Variants in CDH12 observed in about 807,000 individuals in gnomAD.
CDH12 encodes the protein cadherin 12.
Under a neutral mutation model 74.1 loss-of-function variants are expected in CDH12, and 41 were observed. The ratio of observed to expected loss-of-function variants is 0.55; its 90% CI spans 0.43 to 0.72. The LOEUF (loss-of-function observed/expected upper bound fraction) is 0.72, where lower values mean the gene tolerates loss of function less well. Ranked by LOEUF, CDH12 falls within the 30% of genes least tolerant of loss-of-function variation. CDH12 has a pLI of 0.00. For missense variants in CDH12, 945 were observed against 977.2 expected (o/e 0.97, Z 0.44); for synonymous variants, 399 against 355.0 (o/e 1.12, Z -1.39).
intron 6 of CDH12, chr5:21,882,472 T>C: frequency 3.0e-6 from 2 of 670,356 alleles, no homozygotes; most frequent in Admixed American, 2.3e-5. Context: ...GTTCCATTTA[T>C]AGTACAACTG....
At chr5:22,833,325 C>A (rs1736698091) in intron 1 of CDH12, among the ~76,000 whole-genome samples, 1 of 152,106 alleles carries the variant, frequency 6.6e-6, no homozygotes, top group African/African-American at 2.4e-5. Flanking sequence ...TCTCTACAGG[C>A]CAGAACACAG....
At chr5:22,081,567 C>T (rs1187082935) in intron 4 of CDH12, among the ~76,000 whole-genome samples, 2 of 152,146 alleles carry the variant, frequency 1.3e-5, no homozygotes, top group South Asian at 4.1e-4. Context: ...TGCATTTCTG[C>T]CTTCCTGTTC....
At chr5:22,823,737 A>T (rs1021502102) in intron 1 of CDH12, among the ~76,000 whole-genome samples, 2 of 152,060 alleles carry the variant, frequency 1.3e-5, no homozygotes, top group African/African-American at 4.8e-5. Flanking sequence ...GGGAGTTCTC[A>T]GGAGATCTGA....
intron 5 of CDH12, among the ~76,000 whole-genome samples, chr5:21,981,402 T>C (rs576233671): frequency 0.018 from 2,756 of 152,176 alleles, 44 homozygotes; most frequent in African/African-American, 0.041. Flanking sequence ...GTTTTATTAT[T>C]TTCTACCCAT....
At chr5:22,012,493 A>C (rs1362316668) in intron 5 of CDH12, among the ~76,000 whole-genome samples, 2 of 152,060 alleles carry the variant, frequency 1.3e-5, no homozygotes, top group Non-Finnish European at 2.9e-5. Context: ...AAGAGTGTAA[A>C]ATTTGTCTTT....
chr5:22,564,892 A>T (rs1307557518), intron 1 of CDH12, among the ~76,000 whole-genome samples: 1 of 152,102 alleles, frequency 6.6e-6, no homozygotes, highest in African/African-American at 2.4e-5. Context: ...TCTTCTCTTG[A>T]TGAAGTTATG....
At chr5:21,820,980 C>G (rs1263073474) in intron 8 of CDH12, among the ~76,000 whole-genome samples, 1 of 151,786 alleles carries the variant, frequency 6.6e-6, no homozygotes, top group Non-Finnish European at 1.5e-5. Context: ...TCAAATATAC[C>G]TATTGTGCTT....
At chr5:22,756,445 T>C (rs1405783764) in intron 1 of CDH12, among the ~76,000 whole-genome samples, 1 of 152,148 alleles carries the variant, frequency 6.6e-6, no homozygotes, top group Non-Finnish European at 1.5e-5. Flanking sequence ...ATTCCTATTA[T>C]TTATCTCATA....
intron 5 of CDH12, among the ~76,000 whole-genome samples, chr5:22,071,217 T>C (rs1457409160): frequency 6.6e-6 from 1 of 152,100 alleles, no homozygotes; most frequent in African/African-American, 2.4e-5. Flanking sequence ...TCTATTTATA[T>C]ACATGTCTTG....
intron 1 of CDH12, among the ~76,000 whole-genome samples, chr5:22,562,663 G>A (rs1216716020): frequency 6.6e-6 from 1 of 151,380 alleles, no homozygotes; most frequent in Non-Finnish European, 1.5e-5. Flanking sequence ...ATCAACAGAA[G>A]GAAGATGAGT....
chr5:21,924,856 T>C (rs1754518959), intron 6 of CDH12, among the ~76,000 whole-genome samples: 1 of 152,192 alleles, frequency 6.6e-6, no homozygotes, highest in African/African-American at 2.4e-5. Flanking sequence ...ATCCTCAGAA[T>C]TTTCCATTGA....
At chr5:22,524,051 G>A (rs935302511) in intron 1 of CDH12, among the ~76,000 whole-genome samples, 1 of 149,452 alleles carries the variant, frequency 6.7e-6, no homozygotes, top group East Asian at 2.0e-4. Context: ...GAGCCATTAC[G>A]GCTCACTGCA....
intron 1 of CDH12, among the ~76,000 whole-genome samples, chr5:22,542,355 G>C (rs1384527037): frequency 6.6e-6 from 1 of 152,154 alleles, no homozygotes; most frequent in Non-Finnish European, 1.5e-5. Flanking sequence ...TAATTGGGAG[G>C]AAATAAAGTG....
intron 3 of CDH12, among the ~76,000 whole-genome samples, chr5:22,326,356 C>A (rs897319541): frequency 2.6e-5 from 4 of 152,094 alleles, no homozygotes; most frequent in African/African-American, 9.7e-5. Flanking sequence ...CTGCCTCAGC[C>A]TCCCGAGTAG....
chr5:22,583,751 T>C (rs1185742813), intron 1 of CDH12, among the ~76,000 whole-genome samples: 1 of 152,162 alleles, frequency 6.6e-6, no homozygotes, highest in Non-Finnish European at 1.5e-5. Flanking sequence ...AGAACACTCA[T>C]CCATAGTTTC....
intron 6 of CDH12, among the ~76,000 whole-genome samples, chr5:21,961,048 G>T (rs1243669258): frequency 6.6e-6 from 1 of 151,710 alleles, no homozygotes. Context: ...CTTGAAATTA[G>T]ACTACATTAG....
At chr5:22,486,226 A>G (rs1047690053) in intron 2 of CDH12, among the ~76,000 whole-genome samples, 1 of 152,126 alleles carries the variant, frequency 6.6e-6, no homozygotes, top group Non-Finnish European at 1.5e-5. Context: ...ATAGTCTCAG[A>G]AATTGTCACC....
chr5:22,688,015 T>C (rs1741900732), intron 1 of CDH12, among the ~76,000 whole-genome samples: 1 of 152,094 alleles, frequency 6.6e-6, no homozygotes, highest in African/African-American at 2.4e-5. Context: ...CCAAGGAAAG[T>C]CTATGAGAAT....
rs948244396 is a variant in CDH12, at chr5:21,932,763, A to G, written c.526+42328T>C. On this transcript the variant is annotated intron_variant, in intron 6 of 14. Coordinates refer to ENST00000382254, the MANE Select transcript of CDH12 (RefSeq NM_004061.5). ...AAAATACAAAAATTAGCTGGGTGTC[A>G]TGGCACATGCATGTAGTCCCATCCT... Among the ~76,000 whole-genome samples the G allele has an allele frequency of 6.6e-5, 10 of 151,430 alleles. No homozygotes were observed. The Middle Eastern group carries it at 0.017, about 258-fold the overall frequency.
Sources: gnomAD v4.1 joint callset for allele counts (sites outside exome capture counted in the v4.1 genomes callset) on GRCh38, gnomAD v4.1.1 for gene constraint, MANE v1.5 for transcripts, NCBI Gene and HGNC (gene_info 2026-07-23, HGNC 2026-07-21) for gene names.